ATP9B: variants seen among roughly 807,000 people sequenced by gnomAD.
ATP9B encodes ATPase phospholipid transporting 9B.
ATP9B carries 110 observed loss-of-function variants against 146.1 expected under a neutral mutation model. The ratio of observed to expected loss-of-function variants is 0.75; its 90% CI spans 0.65 to 0.88. ATP9B has a LOEUF of 0.88. Ranked by LOEUF, ATP9B falls within the 40% of genes least tolerant of loss-of-function variation. The pLI is 0.00. For synonymous variants in ATP9B, 604 were observed against 569.7 expected, an observed-to-expected ratio of 1.06 and a Z score of -0.86; for missense variants, 1,499 against 1,496.4, an observed-to-expected ratio of 1.00 and a Z score of -0.03.
At chr18:79,264,245 T>C (rs974399885) in intron 12 of ATP9B, among the ~76,000 whole-genome samples, 1 of 152,234 alleles carries the variant, frequency 6.6e-6, no homozygotes, top group Non-Finnish European at 1.5e-5. Flanking sequence ...TCAGCAACAC[T>C]TAATATAAGT....
At chr18:79,298,414 GGCCTTGTGGGCT>G (rs2096567870) in intron 13 of ATP9B, among the ~76,000 whole-genome samples, 1 of 145,782 alleles carries the variant, frequency 6.9e-6, no homozygotes, top group African/African-American at 2.5e-5. Flanking sequence ...AAAATGAGTG[GGCCTTGTGGGCT>G]GCAAACTACG....
chr18:79,337,062 G>C (rs2096831259), intron 18 of ATP9B, among the ~76,000 whole-genome samples: 1 of 151,952 alleles, frequency 6.6e-6, no homozygotes, highest in East Asian at 1.9e-4. Flanking sequence ...GCTCTGTGGA[G>C]TACACACACG....
At chr18:79,289,969 G>A (rs2096485109) in intron 13 of ATP9B, among the ~76,000 whole-genome samples, 1 of 152,110 alleles carries the variant, frequency 6.6e-6, no homozygotes, top group Non-Finnish European at 1.5e-5. Flanking sequence ...TCGTTCCTCT[G>A]GAAGTTTTGT....
At chr18:79,366,281 C>T (rs570282754) in intron 26 of ATP9B, among the ~76,000 whole-genome samples, 54 of 152,266 alleles carry the variant, frequency 3.5e-4, no homozygotes, top group African/African-American at 1.3e-3. Flanking sequence ...TCTCAGAGCC[C>T]GCTGGACGGC....
intron 6 of ATP9B, chr18:79,147,001 T>G (rs531625053): frequency 2.5e-4 from 38 of 152,162 alleles, no homozygotes; most frequent in African/African-American, 8.9e-4. Flanking sequence ...AGGATGAAAG[T>G]AAAAGGATAG....
chr18:79,289,225 C>G (rs140311156), intron 13 of ATP9B, among the ~76,000 whole-genome samples: 1 of 152,296 alleles, frequency 6.6e-6, no homozygotes, highest in African/African-American at 2.4e-5. Flanking sequence ...AACTTGGTTC[C>G]ATTCTCCCCG....
At chr18:79,145,984 A>G (rs201298240) in intron 6 of ATP9B, 18,460 of 61,034 alleles carry the variant, frequency 0.3, 148 homozygotes, top group East Asian at 0.44. Flanking sequence ...GCTGCATGTC[A>G]GGGGAGCTGC....
rs554132711 is a variant in ATP9B, at chr18:79,166,852, G to A, written c.779-9961G>A. Among the ~76,000 whole-genome samples the A allele has an allele frequency of 3.0e-4, 46 of 152,060 alleles. 1 individual carries two copies. Among genetic ancestry groups the A allele is most frequent in the Admixed American group, 1.3e-3 (20 of 15,268 alleles). On this transcript the variant is annotated intron_variant, in intron 7 of 29. Coordinates refer to ENST00000426216, the MANE Select transcript of ATP9B (RefSeq NM_198531.5). The stretch of plus-strand genomic sequence containing the variant: ...TTTGCTTAGCTTGTGCTGCCGGCCC[G>A]GATCCCACGCCTGCCGAGGGTGAGC...
chr18:79,304,492 G>A lies in ATP9B; in HGVS notation c.1524+776G>A, dbSNP rs542048019. Among the ~76,000 whole-genome samples the A allele has an allele frequency of 2.2e-4, 33 of 152,218 alleles. No homozygotes were observed. The South Asian group carries it at 4.8e-3, about 22-fold the overall frequency. On this transcript the variant is annotated intron_variant, in intron 14 of 29. Transcript: ENST00000426216. ...GAACATCCCTTTGAGCATCAATGGC[G>A]TTCAAAAAGCTTCAAGTTTTAGAAC... is the stretch of plus-strand genomic sequence containing the variant.
intron 15 of ATP9B, among the ~76,000 whole-genome samples, chr18:79,328,910 C>G (rs2147101036): frequency 6.6e-6 from 1 of 152,244 alleles, no homozygotes; most frequent in Non-Finnish European, 1.5e-5. Context: ...CCATAATGGT[C>G]TTTATTTTAA....
chr18:79,136,500 T>C (rs1395780628), intron 5 of ATP9B, among the ~76,000 whole-genome samples: 1 of 152,256 alleles, frequency 6.6e-6, no homozygotes, highest in African/African-American at 2.4e-5. Flanking sequence ...TAAGTTGCAT[T>C]AAATATGGAA....
chr18:79,215,662 A>G (rs186365990), intron 11 of ATP9B, among the ~76,000 whole-genome samples: 1 of 152,118 alleles, frequency 6.6e-6, no homozygotes, highest in Non-Finnish European at 1.5e-5. Flanking sequence ...GATAAGTGCT[A>G]TGTTATTTTT....
chr18:79,168,917 T>C (rs1309185460), intron 7 of ATP9B, among the ~76,000 whole-genome samples: 1 of 152,064 alleles, frequency 6.6e-6, no homozygotes, highest in Non-Finnish European at 1.5e-5. Flanking sequence ...CTTGCCACAT[T>C]ATCCCTGTCC....
At chr18:79,185,605 A>AGTTTGTCTTACCTTACATGGAAAAAGC (rs1344623250) in intron 8 of ATP9B, among the ~76,000 whole-genome samples, 2 of 152,348 alleles carry the variant, frequency 1.3e-5, no homozygotes, top group South Asian at 4.1e-4. Context: ...TTCATTAATC[A>AGTTTGTCTTACCTTACATGGAAAAAGC]ATTTTATATT....
chr18:79,259,525 C>T (rs1217868534), intron 12 of ATP9B, among the ~76,000 whole-genome samples: 1 of 152,196 alleles, frequency 6.6e-6, no homozygotes, highest in Admixed American at 6.5e-5. Context: ...CTTGTAAATA[C>T]AGTGGCTTTG....
rs571855464 is a variant in ATP9B, at chr18:79,155,719, G to C, written c.778+1164G>C. Among the ~76,000 whole-genome samples the C allele has an allele frequency of 2.1e-3, 313 of 149,524 alleles. 5 individuals are homozygous for C. The highest frequency in any genetic ancestry group is 7.2e-3 in the African/African-American group (296 of 40,894). On this transcript the variant is annotated intron_variant, in intron 7 of 29. Coordinates refer to ENST00000426216, the MANE Select transcript of ATP9B (RefSeq NM_198531.5). ...TTATAAACAACATACTTTTAGAAGGGACATTTTTGTCAAAGAAGAAACATG... is the reference window on the plus strand; with the variant it reads ...TTATAAACAACATACTTTTAGAAGGCACATTTTTGTCAAAGAAGAAACATG...
intron 1 of ATP9B, among the ~76,000 whole-genome samples, chr18:79,075,532 C>T (rs74487412): frequency 6.6e-6 from 1 of 152,312 alleles, no homozygotes; most frequent in East Asian, 1.9e-4. Context: ...GTTCTAGATG[C>T]ATTGACACTT....
intron 1 of ATP9B, among the ~76,000 whole-genome samples, chr18:79,083,403 A>G (rs1229102636): frequency 2.0e-5 from 3 of 152,064 alleles, no homozygotes; most frequent in Non-Finnish European, 4.4e-5. Flanking sequence ...CCCCCTTTCC[A>G]GAAGAGTGAA....
intron 15 of ATP9B, among the ~76,000 whole-genome samples, chr18:79,324,114 A>G (rs2096731230): frequency 6.6e-6 from 1 of 152,044 alleles, no homozygotes; most frequent in South Asian, 2.1e-4. Flanking sequence ...ATGTCTGTTC[A>G]GATCTTTTGC....
Sources: gnomAD v4.1 joint callset for allele counts (sites outside exome capture counted in the v4.1 genomes callset) on GRCh38, gnomAD v4.1.1 for gene constraint, MANE v1.5 for transcripts, NCBI Gene and HGNC (gene_info 2026-07-23, HGNC 2026-07-21) for gene names.